TBX5: variants seen among roughly 807,000 people sequenced by gnomAD.
The protein encoded by TBX5 is T-box transcription factor 5.
A neutral mutation model predicts 51.1 loss-of-function variants in TBX5; 8 were observed. The observed-to-expected ratio is 0.16, with a 90% CI of 0.09 to 0.28. The LOEUF (loss-of-function observed/expected upper bound fraction) is 0.28, where lower values mean the gene tolerates loss of function less well. Among genes scored for constraint, TBX5 ranks in the 10% least tolerant of loss-of-function variants. The pLI is 1.00. For synonymous variants in TBX5, 302 were observed against 266.4 expected (o/e 1.13, Z -1.30); for missense variants, 589 against 671.7 (o/e 0.88, Z 1.36).
intron 7 of TBX5, among the ~76,000 whole-genome samples, chr12:114,383,572 T>C (rs1565934612): frequency 6.6e-6 from 1 of 152,128 alleles, no homozygotes; most frequent in African/African-American, 2.4e-5. Context: ...TTTACAAAGA[T>C]CTCTTTGGTG....
intron 1 of TBX5, among the ~76,000 whole-genome samples, chr12:114,404,898 G>T (rs1872102193): frequency 6.6e-6 from 1 of 152,218 alleles, no homozygotes; most frequent in Non-Finnish European, 1.5e-5. Context: ...TGCAGCCCGG[G>T]TCCCCGCAAT....
upstream of TBX5, chr12:114,407,004 C>T (rs1412097352): frequency 2.1e-6 from 2 of 964,428 alleles, no homozygotes; most frequent in South Asian, 9.6e-5. Flanking sequence ...ACCTCCTGTA[C>T]CCCCATCATA....
intron 6 of TBX5, among the ~76,000 whole-genome samples, chr12:114,387,394 TA>T (rs778580064): frequency 8.5e-5 from 13 of 152,192 alleles, no homozygotes; most frequent in Admixed American, 7.9e-4. Context: ...GTATTCACCA[TA>T]AAAAATATAC....
chr12:114,399,324 G>A (rs1871643778), intron 4 of TBX5, among the ~76,000 whole-genome samples, 189 bp downstream of exon 4: 2 of 152,022 alleles, frequency 1.3e-5, no homozygotes, highest in South Asian at 2.1e-4. Context: ...CTGGAAAACC[G>A]GAGCTAATTG....
In TBX5 at chr12:114,375,678, C is replaced by T. The variant is rs796868826; in HGVS notation, c.756-9287G>A. 2.2e-4 allele frequency among the ~76,000 whole-genome samples: 34 copies of T among 152,236 alleles called. 1 individual carries two copies. Among genetic ancestry groups the T allele is most frequent in the African/African-American group, 7.7e-4 (32 of 41,554 alleles). ...ATGTGGAGAAAAAGGAATCCTTGCA[C>T]ACTGCTGGTGGGAATGCAAGTTGGT... On this transcript the variant is annotated intron_variant, in intron 7 of 8. Coordinates refer to ENST00000405440, the MANE Select transcript of TBX5 (RefSeq NM_181486.4).
At position 114,367,401 on chromosome 12, in the gene TBX5, C is replaced by T. The variant is rs536778479; in HGVS notation, c.756-1010G>A. On this transcript the variant is annotated intron_variant, in intron 7 of 8. Coordinates refer to ENST00000405440, the MANE Select transcript of TBX5 (RefSeq NM_181486.4). ...TCAGGGCTCACACAGGCAAAGTAAG[C>T]ATAATAAAAATTCCATGACATCATA... Among the ~76,000 whole-genome samples the T allele has an allele frequency of 4.6e-5, 7 of 152,216 alleles. No individual in the cohort carries two copies. In the South Asian group the frequency reaches 1.2e-3, roughly 27 times the overall value.
chr12:114,366,820 G>A (rs1218735942), intron 7 of TBX5, among the ~76,000 whole-genome samples: 1 of 152,142 alleles, frequency 6.6e-6, no homozygotes, highest in Non-Finnish European at 1.5e-5. Flanking sequence ...TGGGGCTCAG[G>A]TCATTGCCCA....
rs104894378 is a variant in TBX5 at position 114,385,521 on chromosome 12, C to T, written c.710G>A (p.Arg237Gln). The change falls in exon 7 of 9, where the codon CGG becomes CAG. Residue 237 changes from arginine to glutamine, a missense_variant. By Grantham distance (43) the Arg-to-Gln change is conservative. Transcript: ENST00000405440. ...GTGCAGCTCCATGTCATCACTGCCC[C>T]GAAATCCTTTGGCAAAGGGATTATT... Reference protein sequence around the residue: ...IENNPFAKGFRGSDDMELHRM... With the variant: ...IENNPFAKGFQGSDDMELHRM... The T allele has an allele frequency of 6.2e-7, 1 of 1,614,020 alleles. No homozygotes were observed. The highest frequency in any genetic ancestry group is 1.3e-5 in the African/African-American group (1 of 74,914).
intron 6 of TBX5, among the ~76,000 whole-genome samples, chr12:114,394,388 A>C (rs1304099792): frequency 2.0e-5 from 3 of 152,188 alleles, no homozygotes. Context: ...CCAGAAATGA[A>C]ATGGCAGCAC....
At chr12:114,360,885 G>A (rs943589412) in intron 8 of TBX5, among the ~76,000 whole-genome samples, 5 of 152,126 alleles carry the variant, frequency 3.3e-5, no homozygotes, top group African/African-American at 7.2e-5. Flanking sequence ...GGTATTGTGC[G>A]AAGATTCTCA....
chr12:114,359,137 G>A (rs1399913882), intron 8 of TBX5, among the ~76,000 whole-genome samples: 1 of 152,084 alleles, frequency 6.6e-6, no homozygotes, highest in East Asian at 1.9e-4. Context: ...TTGGAAAATC[G>A]TAAAATTATA....
intron 7 of TBX5, among the ~76,000 whole-genome samples, chr12:114,378,631 G>GTTTTGT (rs112105305): frequency 4.3e-4 from 66 of 152,044 alleles, no homozygotes; most frequent in African/African-American, 1.6e-3. Context: ...GTTTTGTTTT[G>GTTTTGT]TTTGTTTTGT....
intron 8 of TBX5, among the ~76,000 whole-genome samples, chr12:114,360,973 A>G (rs1869209495): frequency 6.6e-6 from 1 of 152,160 alleles, no homozygotes; most frequent in African/African-American, 2.4e-5. Flanking sequence ...CTGGCTTATT[A>G]TATGTCTCAT....
At chr12:114,364,283 T>C (rs1869394484) in intron 8 of TBX5, among the ~76,000 whole-genome samples, 2 of 152,230 alleles carry the variant, frequency 1.3e-5, no homozygotes, top group African/African-American at 4.8e-5. Flanking sequence ...AAGGCTTGTG[T>C]TGACCACTGA....
At chr12:114,399,877 A>G (rs530906055) in intron 3 of TBX5, among the ~76,000 whole-genome samples, 115 of 152,282 alleles carry the variant, frequency 7.6e-4, no homozygotes, top group African/African-American at 2.5e-3. Context: ...ACAAACCAGG[A>G]CGCATGCGCC....
At chr12:114,371,740 A>T (rs551656136) in intron 7 of TBX5, among the ~76,000 whole-genome samples, 4 of 152,064 alleles carry the variant, frequency 2.6e-5, no homozygotes, top group African/African-American at 9.6e-5. Flanking sequence ...TTAATCTGTG[A>T]TTAAAATTAA....
At chr12:114,376,775 G>A (rs1204058544) in intron 7 of TBX5, among the ~76,000 whole-genome samples, 2 of 151,600 alleles carry the variant, frequency 1.3e-5, no homozygotes, top group African/African-American at 4.8e-5. Context: ...AAACTATTAA[G>A]TTGTATAACC....
chr12:114,405,224 G>T (rs978852105), intron 1 of TBX5, among the ~76,000 whole-genome samples: 3 of 152,194 alleles, frequency 2.0e-5, no homozygotes, highest in African/African-American at 7.2e-5. Flanking sequence ...TCTTCGCCTC[G>T]TTCTCGGGGC....
intron 4 of TBX5, among the ~76,000 whole-genome samples, 196 bp from the exon 5 acceptor site, chr12:114,398,916 GC>G (rs1871611076): frequency 6.6e-6 from 1 of 152,200 alleles, no homozygotes; most frequent in Non-Finnish European, 1.5e-5. Context: ...GCCCAGGCAA[GC>G]CCCTGGCCCA....
Sources: gnomAD v4.1 joint callset for allele counts (sites outside exome capture counted in the v4.1 genomes callset) on GRCh38, gnomAD v4.1.1 for gene constraint, MANE v1.5 for transcripts, NCBI Gene and HGNC (gene_info 2026-07-23, HGNC 2026-07-21) for gene names.